Variants in GNB4 observed in about 807,000 individuals in gnomAD.
The protein encoded by GNB4 is G protein subunit beta 4.
A neutral mutation model predicts 45.2 loss-of-function variants in GNB4; 28 were observed. The observed-to-expected ratio is 0.62, with a 90% CI of 0.46 to 0.85. The LOEUF (loss-of-function observed/expected upper bound fraction) is 0.85. Among genes scored for constraint, GNB4 ranks in the 40% least tolerant of loss-of-function variants. GNB4 has a pLI of 0.00. For synonymous variants in GNB4, 132 were observed against 143.7 expected, an observed-to-expected ratio of 0.92 and a Z score of 0.58; for missense variants, 321 against 425.4, an observed-to-expected ratio of 0.75 and a Z score of 2.16.
chr3:179,513,710 C>T, the GNB4 span, among the ~76,000 whole-genome samples: 1 of 152,056 alleles, frequency 6.6e-6, no homozygotes, highest in South Asian at 2.1e-4. Flanking sequence ...GTTCTCTCTC[C>T]CACCTACCCC....
At chr3:179,467,832 G>A in the GNB4 span, among the ~76,000 whole-genome samples, 17 of 151,936 alleles carry the variant, frequency 1.1e-4, no homozygotes, top group East Asian at 3.3e-3. Context: ...TTCATTTAAA[G>A]TGGTAGGTTG....
At chr3:179,446,623 G>A (rs754533395) in intron 1 of GNB4, among the ~76,000 whole-genome samples, 2 of 151,936 alleles carry the variant, frequency 1.3e-5, no homozygotes, top group African/African-American at 2.4e-5. Flanking sequence ...TGTGATCTAG[G>A]TTCTTGTATT....
At chr3:179,411,711 G>A (rs1401032189) in intron 8 of GNB4, among the ~76,000 whole-genome samples, 1 of 152,212 alleles carries the variant, frequency 6.6e-6, no homozygotes, top group Non-Finnish European at 1.5e-5. Flanking sequence ...TTGGCCTACG[G>A]CAAAGAGGTG....
At chr3:179,453,364 C>T (rs148598974), upstream of GNB4, among the ~76,000 whole-genome samples, 874 of 152,278 alleles carry the variant, frequency 5.7e-3, 9 homozygotes, top group African/African-American at 0.02. Flanking sequence ...TCAGGTGATC[C>T]GCCCACCTCG....
intron 1 of GNB4, among the ~76,000 whole-genome samples, chr3:179,438,959 G>A (rs764800747): frequency 6.6e-5 from 10 of 152,186 alleles, no homozygotes; most frequent in Non-Finnish European, 1.2e-4. Context: ...GTGTAAGGGC[G>A]GAACCAGGGT....
the GNB4 span, among the ~76,000 whole-genome samples, chr3:179,466,142 C>G: frequency 4.0e-5 from 6 of 151,610 alleles, no homozygotes; most frequent in African/African-American, 1.5e-4. Context: ...TCCTGAGCAG[C>G]TGGGATTACA....
At chr3:179,502,916 T>C in the GNB4 span, among the ~76,000 whole-genome samples, 1 of 152,250 alleles carries the variant, frequency 6.6e-6, no homozygotes, top group Admixed American at 6.5e-5. Context: ...CATAGCTTAC[T>C]GTAACCTCAA....
the GNB4 span, among the ~76,000 whole-genome samples, chr3:179,502,228 C>CTTTTTTTTTTTTTTTTT: frequency 4.1e-5 from 3 of 73,464 alleles, no homozygotes; most frequent in Non-Finnish European, 7.6e-5. Flanking sequence ...TTTTTCTTTT[C>CTTTTTTTTTTTTTTTTT]TTTTTTTTTT....
rs776154026 is a variant in GNB4 at position 179,419,492 on chromosome 3, A to G, written c.110T>C (p.Met37Thr). 9 of 1,598,980 alleles carry G rather than the reference A, an allele frequency of 5.6e-6. No individual in the cohort carries two copies. Among genetic ancestry groups the G allele is most frequent in the Admixed American group, 1.7e-5 (1 of 59,920 alleles). The change falls in exon 4 of 10, where the codon ATG (methionine) becomes ACG (threonine). Residue 37 changes from methionine to threonine, a missense_variant. Met to Thr is a moderately conservative substitution (Grantham distance 81). Transcript: ENST00000232564. ...DATLVQITSN[M>T]DSVGRIQMRT... is the part of the protein sequence containing the mutation. ...CATTTGTATTCGACCCACAGAGTCC[A>G]TATTTGATGTAATCTTTTGAAAGCA... is the stretch of plus-strand genomic sequence containing the variant.
chr3:179,403,101 AAAAGGAAG>A (rs1714352575), intron 9 of GNB4, among the ~76,000 whole-genome samples: 1 of 152,160 alleles, frequency 6.6e-6, no homozygotes, highest in African/African-American at 2.4e-5. Context: ...GGAAGATGGA[AAAAGGAAG>A]AAAGGCAGAA....
intron 9 of GNB4, among the ~76,000 whole-genome samples, chr3:179,404,889 TAAGAA>T: frequency 6.6e-6 from 1 of 152,280 alleles, no homozygotes; most frequent in South Asian, 2.1e-4. Context: ...TGTCAGGTGA[TAAGAA>T]AAGTGTGATT....
intron 9 of GNB4, among the ~76,000 whole-genome samples, chr3:179,402,149 C>G (rs1279296069): frequency 6.6e-6 from 1 of 152,028 alleles, no homozygotes; most frequent in Non-Finnish European, 1.5e-5. Flanking sequence ...GAAAATTTAC[C>G]ATTATGAGTT....
the GNB4 span, among the ~76,000 whole-genome samples, chr3:179,466,301 G>A: frequency 2.4e-4 from 37 of 152,070 alleles, 1 homozygote; most frequent in Non-Finnish European, 5.0e-4. Context: ...ATGAGCCACC[G>A]CACCTGGCCA....
chr3:179,407,982 C>G (rs938767527), intron 8 of GNB4, among the ~76,000 whole-genome samples: 15 of 152,150 alleles, frequency 9.9e-5, no homozygotes, highest in Non-Finnish European at 1.6e-4. Flanking sequence ...CTGGTCCCAT[C>G]TAACAAAACT....
chr3:179,502,718 C>T, the GNB4 span, among the ~76,000 whole-genome samples: 1 of 151,968 alleles, frequency 6.6e-6, no homozygotes, highest in Non-Finnish European at 1.5e-5. Context: ...AAAAAAATAC[C>T]CTGAACATCA....
the GNB4 span, among the ~76,000 whole-genome samples, chr3:179,498,284 C>T: frequency 6.6e-6 from 1 of 152,178 alleles, no homozygotes; most frequent in African/African-American, 2.4e-5. Flanking sequence ...GACATCATAG[C>T]TATGAAAGCA....
At chr3:179,472,042 T>A in the GNB4 span, among the ~76,000 whole-genome samples, 4 of 152,096 alleles carry the variant, frequency 2.6e-5, no homozygotes, top group African/African-American at 9.7e-5. Context: ...TATAGCCACA[T>A]AATAGAGGCA....
the GNB4 span, among the ~76,000 whole-genome samples, chr3:179,475,438 T>C: frequency 6.7e-6 from 1 of 149,270 alleles, no homozygotes; most frequent in Non-Finnish European, 1.5e-5. Context: ...TTTTTTATTT[T>C]CATTTTTATT....
chr3:179,420,610 C>A (rs960907429), intron 3 of GNB4, among the ~76,000 whole-genome samples: 6 of 151,688 alleles, frequency 4.0e-5, no homozygotes, highest in Admixed American at 6.6e-5. Context: ...TTATGCCCAG[C>A]TAATTTTTTT....
Sources: allele counts gnomAD v4.1 joint callset (sites outside exome capture counted in the v4.1 genomes callset), GRCh38; gene constraint gnomAD v4.1.1; transcripts MANE v1.5; gene names NCBI Gene and HGNC (gene_info 2026-07-23, HGNC 2026-07-21).